PUDP: variants seen among roughly 807,000 people sequenced by gnomAD.
The protein encoded by PUDP is pseudouridine-5'-phosphatase.
A neutral mutation model predicts 9.4 loss-of-function variants in PUDP; 8 were observed. The ratio of observed to expected loss-of-function variants is 0.85; its 90% CI spans 0.50 to 1.53. The LOEUF is 1.53. PUDP is among the 40% of genes most tolerant of loss of function. The probability of loss-of-function intolerance (pLI) is 0.00; values close to 1 mark genes in which losing one functional copy is unlikely to be tolerated. For missense variants in PUDP, 188 were observed against 189.7 expected (o/e 0.99, Z 0.05); for synonymous variants, 99 against 80.7 (o/e 1.23, Z -1.22).
intron 1 of PUDP, among the ~76,000 whole-genome samples, chrX:6,980,129 TTCCTC>T (rs1414712225): frequency 2.9e-5 from 3 of 105,175 alleles, no homozygotes; most frequent in Non-Finnish European, 5.9e-5. Context: ...TTTCCTTTCT[TTCCTC>T]TCCTCTCCTC....
chrX:7,084,800 G>A (rs1251207995), intron 2 of PUDP: 10 of 112,109 alleles, frequency 8.9e-5, no homozygotes, highest in African/African-American at 3.3e-4. Flanking sequence ...TCATTACCTT[G>A]ACGCAGCCAC....
chrX:6,778,220 C>G (rs1925498943), intron 3 of PUDP, among the ~76,000 whole-genome samples: 1 of 111,875 alleles, frequency 8.9e-6, no homozygotes, highest in South Asian at 3.7e-4. Context: ...GAAATATTCT[C>G]TCTCCAAAGT....
At chrX:7,055,859 T>A (rs1257655738) in intron 3 of PUDP, among the ~76,000 whole-genome samples, 1 of 112,274 alleles carries the variant, frequency 8.9e-6, no homozygotes, top group Non-Finnish European at 1.9e-5. Context: ...ATGTTTCTTA[T>A]CTTCGAAGGC....
At chrX:6,996,295 C>T (rs946924534) in intron 1 of PUDP, among the ~76,000 whole-genome samples, 1 of 111,137 alleles carries the variant, frequency 9.0e-6, no homozygotes, top group Non-Finnish European at 1.9e-5. Flanking sequence ...GTGGATTTCA[C>T]TGAGTTTTTC....
At chrX:7,143,776 C>G (rs1285594289) in intron 1 of PUDP, among the ~76,000 whole-genome samples, 1 of 112,171 alleles carries the variant, frequency 8.9e-6, no homozygotes, top group Admixed American at 9.5e-5. Context: ...CCAGAAACAA[C>G]AGATTACTCA....
intron 1 of PUDP, among the ~76,000 whole-genome samples, chrX:7,124,267 A>C (rs1932420592): frequency 8.9e-6 from 1 of 112,322 alleles, no homozygotes; most frequent in South Asian, 3.7e-4. Flanking sequence ...GAAATTAAAC[A>C]ACATACTCCT....
chrX:7,089,189 C>T (rs1255187203), intron 2 of PUDP, among the ~76,000 whole-genome samples: 2 of 111,534 alleles, frequency 1.8e-5, no homozygotes, highest in African/African-American at 3.3e-5. Flanking sequence ...TGGGAGCCTT[C>T]TCCAAACTCG....
At chrX:6,940,742 C>A (rs1326561642) in intron 3 of PUDP, among the ~76,000 whole-genome samples, 1 of 111,492 alleles carries the variant, frequency 9.0e-6, no homozygotes, top group East Asian at 2.8e-4. Flanking sequence ...CCATTGTTTA[C>A]AAACTATCTG....
At chrX:6,882,269 G>GT (rs36010861) in intron 3 of PUDP, among the ~76,000 whole-genome samples, 12,354 of 111,001 alleles carry the variant, frequency 0.11, 757 homozygotes, top group East Asian at 0.45. Context: ...AGTAATTGCG[G>GT]TTTTTGCCAT....
chrX:6,846,482 G>A (rs1926751635), intron 3 of PUDP, among the ~76,000 whole-genome samples: 1 of 109,116 alleles, frequency 9.2e-6, no homozygotes, highest in African/African-American at 3.3e-5. Flanking sequence ...AACTCAGGTA[G>A]ACACAGGGGC....
chrX:6,844,451 G>A (rs994609719), intron 3 of PUDP, among the ~76,000 whole-genome samples: 26 of 112,175 alleles, frequency 2.3e-4, no homozygotes, highest in African/African-American at 3.6e-4. Flanking sequence ...CAATTCTAAC[G>A]GGGAAAATGG....
At chrX:6,825,699 A>C (rs1238439812) in intron 3 of PUDP, among the ~76,000 whole-genome samples, 1 of 110,564 alleles carries the variant, frequency 9.0e-6, no homozygotes, top group South Asian at 3.9e-4. Flanking sequence ...CCAGTCTGTG[A>C]GCAGAGTACA....
At chrX:6,760,443 G>A (rs1360840254) in intron 3 of PUDP, among the ~76,000 whole-genome samples, 1 of 112,000 alleles carries the variant, frequency 8.9e-6, no homozygotes, top group Non-Finnish European at 1.9e-5. Context: ...TGTTAAACCA[G>A]ACACTCCGCT....
At chrX:6,976,283 C>T (rs950654109) in intron 3 of PUDP, among the ~76,000 whole-genome samples, 14 of 111,804 alleles carry the variant, frequency 1.3e-4, no homozygotes, top group African/African-American at 4.2e-4. Flanking sequence ...TGGTGTCTAC[C>T]CAAACGGCTG....
chrX:6,731,068 ATT>A (rs752278645), intron 3 of PUDP, among the ~76,000 whole-genome samples: 3 of 45,785 alleles, frequency 6.6e-5, no homozygotes, highest in African/African-American at 2.4e-4. Context: ...TTTTATTTTT[ATT>A]TTATTTTATT....
At chrX:6,752,554 T>G (rs1307312724) in intron 3 of PUDP, among the ~76,000 whole-genome samples, 1 of 112,012 alleles carries the variant, frequency 8.9e-6, no homozygotes, top group Non-Finnish European at 1.9e-5. Flanking sequence ...GAAGAATATT[T>G]TCCTTAATAC....
chrX:7,127,216 C>CAACT (rs2146922506), intron 1 of PUDP, among the ~76,000 whole-genome samples: 1 of 112,174 alleles, frequency 8.9e-6, no homozygotes, highest in South Asian at 3.7e-4. Flanking sequence ...TCTCAAAGAG[C>CAACT]AACTGACCTT....
rs868723909 is a variant in PUDP, at chrX:6,827,466, G to A, written c.*248-121000C>T. Among the ~76,000 whole-genome samples the A allele has an allele frequency of 9.0e-5, 10 of 111,533 alleles. No individual in the cohort carries two copies. The South Asian group carries it at 3.8e-3, about 42-fold the overall frequency. On this transcript the variant is annotated intron_variant and NMD_transcript_variant, in intron 3 of 3. Transcript: ENST00000655425. ...TATGCCGTATGTAAATGGAGAGGAT[G>A]AATAAAGTTACAAAGTCATTTACTC...
chrX:6,974,182 T>G (rs867420833), intron 3 of PUDP, among the ~76,000 whole-genome samples: 23 of 112,213 alleles, frequency 2.0e-4, no homozygotes, highest in Middle Eastern at 4.6e-3. Flanking sequence ...GTCTTTTTAT[T>G]GGGACATTTA....
Sources: allele counts gnomAD v4.1 joint callset (sites outside exome capture counted in the v4.1 genomes callset), GRCh38; gene constraint gnomAD v4.1.1; transcripts MANE v1.5; gene names NCBI Gene and HGNC (gene_info 2026-07-23, HGNC 2026-07-21).